The following ZNF536 variants were observed in gnomAD, a reference collection of about 807,000 sequenced individuals.
The protein encoded by ZNF536 is zinc finger protein 536.
ZNF536 carries 13 observed loss-of-function variants against 84.5 expected under a neutral mutation model. The ratio of observed to expected loss-of-function variants is 0.15; its 90% confidence interval spans 0.10 to 0.24. The LOEUF (loss-of-function observed/expected upper bound fraction) is 0.24. ZNF536 is among the 10% of genes least tolerant of loss of function. The pLI is 1.00. For missense variants in ZNF536, 1,536 were observed against 1,747.5 expected, an observed-to-expected ratio of 0.88 and a Z score of 2.16; for synonymous variants, 811 against 742.5, an observed-to-expected ratio of 1.09 and a Z score of -1.50.
At chr19:30,344,676 A>AT (rs5827702) in intron 2 of ZNF536, among the ~76,000 whole-genome samples, 93,948 of 150,966 alleles carry the variant, frequency 0.62, 29,950 homozygotes, top group East Asian at 0.8. Flanking sequence ...CAGGCAGGCC[A>AT]TTTTTTTTTA....
At chr19:30,287,193 G>A (rs2045658959) in intron 2 of ZNF536, among the ~76,000 whole-genome samples, 1 of 151,560 alleles carries the variant, frequency 6.6e-6, no homozygotes, top group African/African-American at 2.4e-5. Flanking sequence ...ATGGATGGAT[G>A]GGAGGATGGA....
chr19:30,274,701 C>A (rs557293367), intron 1 of ZNF536, among the ~76,000 whole-genome samples: 1 of 152,110 alleles, frequency 6.6e-6, no homozygotes, highest in Admixed American at 6.5e-5. Flanking sequence ...TAGACCATTT[C>A]GTCACCCAGG....
At chr19:30,707,257 A>G (rs779060140) in intron 1 of ZNF536, among the ~76,000 whole-genome samples, 2 of 152,144 alleles carry the variant, frequency 1.3e-5, no homozygotes, top group Admixed American at 1.3e-4. Context: ...TGCCCATCCC[A>G]TTGCCTCTGA....
At chr19:30,580,976 G>A (rs914304309) in intron 1 of ZNF536, among the ~76,000 whole-genome samples, 2 of 152,342 alleles carry the variant, frequency 1.3e-5, no homozygotes, top group African/African-American at 2.4e-5. Context: ...CGATCTGGAA[G>A]TGATTTTCCT....
chr19:30,271,987 C>T (rs570176588), intron 1 of ZNF536, among the ~76,000 whole-genome samples: 3 of 152,322 alleles, frequency 2.0e-5, no homozygotes, highest in Non-Finnish European at 4.4e-5. Context: ...AAGCCAAGAG[C>T]ACTTCTTGAA....
intron 1 of ZNF536, among the ~76,000 whole-genome samples, chr19:30,683,846 A>T (rs1270549485): frequency 1.3e-5 from 2 of 152,200 alleles, no homozygotes; most frequent in East Asian, 3.9e-4. Flanking sequence ...GCTGTACCTT[A>T]GACATGCTCA....
intron 2 of ZNF536, among the ~76,000 whole-genome samples, chr19:30,519,256 G>A (rs1379832023): frequency 6.6e-6 from 1 of 152,238 alleles, no homozygotes; most frequent in African/African-American, 2.4e-5. Context: ...CAGCCTTGCT[G>A]CAAAATAGGA....
rs1404177118 is a variant in ZNF536 at position 30,445,407 on chromosome 19, T to C, written c.1845T>C (p.Thr615=). 17 of 1,613,974 alleles carry C rather than the reference T, an allele frequency of 1.1e-5. No homozygotes were observed. Among genetic ancestry groups the C allele is most frequent in the Non-Finnish European group, 1.4e-5 (16 of 1,179,982 alleles). The change falls in exon 2 of 5, where the codon ACT becomes ACC. Residue 615 remains threonine (T), a synonymous_variant. Coordinates refer to ENST00000355537, the MANE Select transcript of ZNF536 (RefSeq NM_014717.3). The surrounding 1 kb of genome is among the most constrained non-coding windows in gnomAD (Gnocchi z 4.5). ...TTTTGTCACACGGGCTGAACCAGAC[T>C]CTCGAGTATAACCTGCAGGGTCCTG... The part of the protein sequence containing the change: ...RDFLSHGLNQ[T]LEYNLQGPGN...
chr19:30,403,655 A>C (rs1053357447), intron 1 of ZNF536, among the ~76,000 whole-genome samples: 3 of 152,216 alleles, frequency 2.0e-5, no homozygotes, highest in Admixed American at 6.5e-5. Flanking sequence ...GCAAACTTGC[A>C]GCTCTAGAAA....
intron 1 of ZNF536, among the ~76,000 whole-genome samples, chr19:30,384,104 CTTTCTT>C (rs1568377869): frequency 0.038 from 2,181 of 56,882 alleles, 101 homozygotes; most frequent in African/African-American, 0.055. Context: ...CTTTCTCTTT[CTTTCTT>C]TCTTTCTTTC....
chr19:30,372,694 C>A (rs1292977015), intron 1 of ZNF536, 138 bp downstream of exon 1: 1 of 151,966 alleles, frequency 6.6e-6, no homozygotes, highest in Admixed American at 6.6e-5. Flanking sequence ...TTCTTGTTCA[C>A]GAAGTACACA....
Position 30,619,698 on chromosome 19 carries a change from C to T in ZNF536, c.169+70184C>T, listed in dbSNP as rs8105135. Among the ~76,000 whole-genome samples, 362 of 152,316 alleles carry T rather than the reference C, an allele frequency of 2.4e-3. 5 individuals carry two copies. Among genetic ancestry groups the T allele is most frequent in the African/African-American group, 7.8e-3 (325 of 41,568 alleles). Reference sequence around the variant, plus strand: ...GTAGTATTTTTCACACACATGTGATCCACTTATTTCTCATGTCTGTCTATA... The same window carrying T: ...GTAGTATTTTTCACACACATGTGATTCACTTATTTCTCATGTCTGTCTATA... On this transcript the variant is annotated intron_variant, in intron 1 of 1. Transcript: ENST00000592773.
chr19:30,623,040 G>GTTTTTTTTTTTT (rs778168856), intron 1 of ZNF536, among the ~76,000 whole-genome samples: 1 of 99,286 alleles, frequency 1.0e-5, no homozygotes, highest in African/African-American at 3.7e-5. Context: ...TTGTTTTTTT[G>GTTTTTTTTTTTT]TTTTTTTGTT....
At chr19:30,706,672 T>C (rs949099756) in intron 1 of ZNF536, among the ~76,000 whole-genome samples, 3 of 152,224 alleles carry the variant, frequency 2.0e-5, no homozygotes, top group Non-Finnish European at 4.4e-5. Flanking sequence ...GTTTTGGTTT[T>C]ATTTTTTATT....
intron 1 of ZNF536, among the ~76,000 whole-genome samples, chr19:30,636,963 T>G (rs1359360831): frequency 1.3e-5 from 2 of 152,198 alleles, no homozygotes; most frequent in African/African-American, 4.8e-5. Flanking sequence ...GGCTGGATCC[T>G]TTCTGGAGTT....
chr19:30,330,484 C>G (rs1031783036), intron 2 of ZNF536, among the ~76,000 whole-genome samples: 13 of 152,130 alleles, frequency 8.5e-5, no homozygotes, highest in Non-Finnish European at 1.8e-4. Context: ...GACTTTGGAG[C>G]TGGGGATGGG....
At position 30,444,540 on chromosome 19, in the gene ZNF536, C is replaced by T. The variant is rs536835285; in HGVS notation, c.978C>T (p.Ala326=). Residue 326 remains alanine (A), a synonymous_variant, in exon 2 of 5, where the codon GCC becomes GCT. Transcript: ENST00000355537. Reference sequence around the variant, plus strand: ...ACGTGGAGAAGGCACACATCACGGCCGAGTCGGCCCAGGGCCAGGGCCCCA... The same window carrying T: ...ACGTGGAGAAGGCACACATCACGGCTGAGTCGGCCCAGGGCCAGGGCCCCA... ...ISHVEKAHIT[A]ESAQGQGPNG... is the part of the protein sequence containing the mutation. The T allele has an allele frequency of 1.9e-6, 3 of 1,613,270 alleles. No individual in the cohort carries two copies. Among genetic ancestry groups the T allele is most frequent in the Non-Finnish European group, 1.7e-6 (2 of 1,179,904 alleles).
intron 2 of ZNF536, among the ~76,000 whole-genome samples, chr19:30,471,534 C>T (rs1204702275): frequency 1.3e-5 from 2 of 152,214 alleles, no homozygotes; most frequent in African/African-American, 4.8e-5. Flanking sequence ...TCAGATCACC[C>T]AGATGCCCCT....
intron 1 of ZNF536, among the ~76,000 whole-genome samples, chr19:30,584,135 G>A (rs942115428): frequency 7.9e-5 from 12 of 152,106 alleles, no homozygotes; most frequent in African/African-American, 2.9e-4. Flanking sequence ...TATCTCCCCT[G>A]ATGTCCTTCC....
Sources: allele counts gnomAD v4.1 joint callset (sites outside exome capture counted in the v4.1 genomes callset), GRCh38; gene constraint gnomAD v4.1.1; non-coding constraint Gnocchi (gnomAD v3.1); transcripts MANE v1.5; gene names NCBI Gene and HGNC (gene_info 2026-07-23, HGNC 2026-07-21).